The following JADE3 variants were observed in gnomAD, a reference collection of about 807,000 sequenced individuals.
The protein encoded by JADE3 is jade family PHD finger 3, also known as protein Jade-3.
In JADE3, 2 loss-of-function variants were observed where a neutral mutation model predicts 50.1. The observed-to-expected ratio is 0.04, with a 90% CI of 0.02 to 0.13. The LOEUF (loss-of-function observed/expected upper bound fraction) is 0.13. JADE3 is among the 10% of genes least tolerant of loss of function. JADE3 has a pLI of 1.00. For synonymous variants in JADE3, 218 were observed against 232.9 expected, an observed-to-expected ratio of 0.94 and a Z score of 0.58; for missense variants, 475 against 634.4, an observed-to-expected ratio of 0.75 and a Z score of 2.70.
chrX:46,982,704 A>G (rs1056211804), intron 1 of JADE3, among the ~76,000 whole-genome samples: 12 of 111,051 alleles, frequency 1.1e-4, no homozygotes, highest in Non-Finnish European at 2.1e-4. Flanking sequence ...TCGGGGGTAC[A>G]AGCTTGTGTA....
At chrX:46,938,338 CTTTGT>C (rs1227598726) in intron 1 of JADE3, among the ~76,000 whole-genome samples, 1 of 111,036 alleles carries the variant, frequency 9.0e-6, no homozygotes, top group African/African-American at 3.3e-5. Flanking sequence ...TTAGTTATCT[CTTTGT>C]TTTTTGTGGT....
At chrX:46,937,815 T>TATTAAAAATACA (rs1405897425) in intron 1 of JADE3, among the ~76,000 whole-genome samples, 1 of 110,943 alleles carries the variant, frequency 9.0e-6, no homozygotes, top group Non-Finnish European at 1.9e-5. Context: ...ACCCCATCTC[T>TATTAAAAATACA]ATTAAAAATA....
intron 1 of JADE3, among the ~76,000 whole-genome samples, chrX:46,963,459 C>T (rs782283211): frequency 2.7e-5 from 3 of 112,247 alleles, no homozygotes; most frequent in Non-Finnish European, 5.6e-5. Context: ...TCATTAAAAG[C>T]TGTGTTTCAA....
intron 1 of JADE3, among the ~76,000 whole-genome samples, chrX:46,976,655 C>T (rs1445237475): frequency 8.9e-6 from 1 of 111,738 alleles, no homozygotes; most frequent in African/African-American, 3.3e-5. Flanking sequence ...AAGTGTAAGA[C>T]ATCGAGATAT....
At chrX:46,953,532 A>G (rs1927053090) in intron 1 of JADE3, among the ~76,000 whole-genome samples, 2 of 111,466 alleles carry the variant, frequency 1.8e-5, no homozygotes, top group Non-Finnish European at 3.8e-5. Flanking sequence ...TGTTTATACC[A>G]TCTTACTTGG....
chrX:47,038,521 A>G (rs1427906472), intron 7 of JADE3, among the ~76,000 whole-genome samples: 1 of 108,854 alleles, frequency 9.2e-6, no homozygotes, highest in Non-Finnish European at 1.9e-5. Flanking sequence ...AGCCAAAAAT[A>G]TTTTTTTTTA....
At position 47,054,769 on chromosome X, in the gene JADE3, C is replaced by T. The variant is rs921989506; in HGVS notation, c.1443+141C>T. ...GCTTATCTTCTGATCTCTTTATGGC[C>T]CCAGACATTGGGCTCTGTGTAAATT... On this transcript the variant is annotated intron_variant, in intron 9 of 10. Transcript: ENST00000614628. 9.1e-6 allele frequency: 4 copies of T among 437,183 alleles called. No individual in the cohort carries two copies. In the East Asian group the frequency reaches 1.5e-4, roughly 16 times the overall value. 36.0% of individuals were successfully genotyped at this position (437,183 alleles called of 1,213,427 possible).
chrX:47,016,777 C>T (rs781874550), intron 4 of JADE3, among the ~76,000 whole-genome samples: 2 of 108,902 alleles, frequency 1.8e-5, no homozygotes, highest in African/African-American at 6.7e-5. Context: ...GCCTCAGCCT[C>T]GTGATGAGCT....
At chrX:46,937,990 CAAAT>C (rs1479668489) in intron 1 of JADE3, among the ~76,000 whole-genome samples, 3 of 111,573 alleles carry the variant, frequency 2.7e-5, no homozygotes, top group Non-Finnish European at 3.8e-5. Flanking sequence ...AATAAATAAA[CAAAT>C]AAATAAATTG....
chrX:46,965,478 G>A (rs886678531), intron 1 of JADE3, among the ~76,000 whole-genome samples: 1 of 111,121 alleles, frequency 9.0e-6, no homozygotes, highest in Non-Finnish European at 1.9e-5. Flanking sequence ...TAATATTAGT[G>A]GTTAAAAATA....
chrX:46,965,426 G>C (rs1349281105), intron 1 of JADE3, among the ~76,000 whole-genome samples: 1 of 111,310 alleles, frequency 9.0e-6, no homozygotes, highest in East Asian at 2.8e-4. Context: ...AATTTTTAAA[G>C]TCCAGTCCAT....
intron 1 of JADE3, among the ~76,000 whole-genome samples, chrX:46,939,756 A>G (rs1556341934): frequency 8.9e-6 from 1 of 112,301 alleles, no homozygotes; most frequent in African/African-American, 3.2e-5. Flanking sequence ...TCAGTGAGGC[A>G]TCAAGTCTTA....
intron 1 of JADE3, among the ~76,000 whole-genome samples, chrX:46,964,593 G>A (rs1457177179): frequency 2.7e-5 from 3 of 111,833 alleles, no homozygotes; most frequent in Non-Finnish European, 5.6e-5. Context: ...GTAGAAAAAA[G>A]TCATCACTGC....
Position 47,054,619 on chromosome X carries a change from C to G in JADE3, c.1434C>G (p.Asp478Glu). The change falls in exon 9 of 11, where the codon GAC (aspartate) becomes GAG (glutamate). Residue 478 changes from aspartate (D) to glutamate (E), a missense_variant. Asp to Glu is a conservative substitution (Grantham distance 45). Coordinates refer to ENST00000614628, the MANE Select transcript of JADE3 (RefSeq NM_014735.5). ...GAATGTTTATGCATCTACGCCAGGA[C>G]CTGGAGAGGGTAAGGTGACCAGCTG... ...RMRMFMHLRQDLERVRNLCYM... is the reference protein window; with the variant it reads ...RMRMFMHLRQELERVRNLCYM... 8.5e-7 allele frequency: 1 copy of G among 1,177,738 alleles called. No individual in the cohort carries two copies.
At chrX:47,033,558 A>C in intron 6 of JADE3, 63 bp from the exon 7 acceptor site, 1 of 968,627 alleles carries the variant, frequency 1.0e-6, no homozygotes, top group South Asian at 2.4e-5. Flanking sequence ...TGTGTATCAG[A>C]ACAGATACCA....
At chrX:47,057,327 G>C (rs1224632783) in intron 10 of JADE3, among the ~76,000 whole-genome samples, 2 of 111,567 alleles carry the variant, frequency 1.8e-5, no homozygotes, top group African/African-American at 6.5e-5. Flanking sequence ...CAGTAAGATG[G>C]TAATGGGCAA....
At chrX:46,915,497 G>A (rs886977898) in intron 1 of JADE3, among the ~76,000 whole-genome samples, 1 of 111,748 alleles carries the variant, frequency 8.9e-6, no homozygotes, top group African/African-American at 3.3e-5. Context: ...AGTTACAGTG[G>A]CTGGGAAAGC....
chrX:46,942,573 G>A (rs963267735), intron 1 of JADE3, among the ~76,000 whole-genome samples: 1 of 111,425 alleles, frequency 9.0e-6, no homozygotes, highest in African/African-American at 3.3e-5. Context: ...TTGTCTTTTC[G>A]TACCAGTACC....
chrX:46,963,083 C>T (rs782671932), intron 1 of JADE3, among the ~76,000 whole-genome samples: 46 of 111,414 alleles, frequency 4.1e-4, no homozygotes, highest in Admixed American at 9.5e-5. Flanking sequence ...GTGGTCCACC[C>T]GCCTCGGCCT....
Sources: allele counts gnomAD v4.1 joint callset (sites outside exome capture counted in the v4.1 genomes callset), GRCh38; gene constraint gnomAD v4.1.1; transcripts MANE v1.5; gene names NCBI Gene and HGNC (gene_info 2026-07-23, HGNC 2026-07-21).